Variants in NOP53 observed in about 807,000 individuals in gnomAD.
NOP53 encodes the protein NOP53 ribosome biogenesis factor.
In NOP53, 40 loss-of-function variants were observed where a neutral mutation model predicts 61.0. The observed-to-expected ratio is 0.66, with a 90% CI of 0.51 to 0.85. The LOEUF is 0.85. Among genes scored for constraint, NOP53 ranks in the 40% least tolerant of loss-of-function variants. The pLI is 0.00. For synonymous variants in NOP53, 308 were observed against 289.5 expected (o/e 1.06, Z -0.65); for missense variants, 689 against 652.9 (o/e 1.06, Z -0.60).
chr19:47,752,716 G>C (rs1967139995), intron 6 of NOP53, 109 bp downstream of exon 6: 1 of 719,298 alleles, frequency 1.4e-6, no homozygotes, highest in Non-Finnish European at 2.5e-6. Context: ...ACAGCCCTGG[G>C]CCTGTCCGCA....
intron 1 of NOP53, 63 bp from the exon 2 acceptor site, chr19:47,746,904 G>C (rs1967071397): frequency 1.5e-6 from 2 of 1,369,250 alleles, no homozygotes; most frequent in African/African-American, 2.9e-5. Context: ...GGCTGGACCT[G>C]CCAGGTTAAA....
chr19:47,746,127 T>C, intron 1 of NOP53: 1 of 291,430 alleles, frequency 3.4e-6, no homozygotes, highest in East Asian at 7.0e-5. Context: ...TATATGTGTG[T>C]GTATATATAT....
At chr19:47,753,745 C>G (rs1381681804) in intron 6 of NOP53, 2 of 152,216 alleles carry the variant, frequency 1.3e-5, no homozygotes, top group East Asian at 3.8e-4. Flanking sequence ...TTGTACAGAA[C>G]TACTTCGTAG....
At position 47,751,184 on chromosome 19, in the gene NOP53, G is replaced by A; in HGVS notation, c.598+77G>A. 3.8e-6 allele frequency: 5 copies of A among 1,314,208 alleles called. No individual in the cohort carries two copies. The South Asian group carries it at 6.4e-5, about 17-fold the overall frequency. 81.4% of individuals were successfully genotyped at this position (1,314,208 alleles called of 1,614,324 possible). A position where few individuals can be genotyped will look rare whatever the true frequency, so the allele number is the denominator to read the frequency against. ...TTTGTGTGTGTTGTGCACTGCACGA[G>A]AGTACAGTGTGAAAGGGAGTGCTTT... On this transcript the variant is annotated intron_variant, in intron 4 of 12. Coordinates refer to ENST00000246802, the MANE Select transcript of NOP53 (RefSeq NM_015710.5).
chr19:47,745,689 A>G lies in NOP53; in HGVS notation c.130A>G (p.Lys44Glu), dbSNP rs746948849. ...GCGGCGGCGGCGAGGCCCAAGAAAT[A>G]AGAAGCGGGGCTGGCGGCGGCTTGC... The part of the protein sequence containing the change: ...LRRRRRGPRN[K>E]KRGWRRLAQE... The change falls in exon 1 of 13, where the codon AAG becomes GAG. Residue 44 changes from lysine (K) to glutamate (E), a missense_variant. Physicochemically the swap from Lys to Glu is moderately conservative, Grantham distance 56. Coordinates refer to ENST00000246802, the MANE Select transcript of NOP53 (RefSeq NM_015710.5). The G allele has an allele frequency of 1.9e-6, 3 of 1,612,978 alleles. No individual in the cohort carries two copies. The highest frequency in any genetic ancestry group is 2.5e-6 in the Non-Finnish European group (3 of 1,179,500).
At chr19:47,751,261 C>T (rs947905665) in intron 4 of NOP53, 154 bp downstream of exon 4, 15 of 731,022 alleles carry the variant, frequency 2.1e-5, no homozygotes, top group Admixed American at 2.8e-5. Flanking sequence ...AAGGGGCGGC[C>T]GTTTCCCACT....
In NOP53 at chr19:47,752,618, C is replaced by T. The variant is rs537692222; in HGVS notation, c.765+11C>T. ...TTTGAAGACCACCAGGTACACTGCC[C>T]CGTCCAGGCCTCCCTCCTCAGTGGG... On this transcript the variant is annotated intron_variant, in intron 6 of 12. Transcript: ENST00000246802. 2 of 1,509,294 alleles carry T rather than the reference C, an allele frequency of 1.3e-6. No individual in the cohort carries two copies. The highest frequency in any genetic ancestry group is 2.2e-5 in the South Asian group (2 of 89,088). 93.5% of individuals were successfully genotyped at this position (1,509,294 alleles called of 1,614,324 possible).
At chr19:47,755,654 C>T in intron 9 of NOP53, 102 bp from the exon 10 acceptor site, 1 of 1,361,588 alleles carries the variant, frequency 7.3e-7, no homozygotes, top group East Asian at 2.5e-5. Context: ...CCCACAAAAC[C>T]CCACATTCTC....
At chr19:47,747,355 A>G (rs1215643421) in intron 2 of NOP53, among the ~76,000 whole-genome samples, 1 of 152,174 alleles carries the variant, frequency 6.6e-6, no homozygotes, top group Non-Finnish European at 1.5e-5. Context: ...TGCTTAACTC[A>G]GTCCTGCCGG....
intron 9 of NOP53, 42 bp downstream of exon 9, chr19:47,755,565 G>C (rs1046698834): frequency 6.9e-7 from 1 of 1,457,368 alleles, no homozygotes; most frequent in East Asian, 2.5e-5. Flanking sequence ...CTGGGGAGGG[G>C]GCCGGGTCCC....
chr19:47,755,864 G>T, intron 10 of NOP53, 42 bp downstream of exon 10: 1 of 1,522,294 alleles, frequency 6.6e-7, no homozygotes, highest in Non-Finnish European at 9.1e-7. Flanking sequence ...GCCCAGTGAT[G>T]ACACCATCCT....
At position 47,754,318 on chromosome 19, in the gene NOP53, A is replaced by G. The variant is rs1568599990; in HGVS notation, c.766-209A>G. ...AGCGTGCAGGTCAGACTGCCTTCAC[A>G]GACGTGCAGAGCAGGTGTGAGGGCG... On this transcript the variant is annotated intron_variant, in intron 6 of 12. Coordinates refer to ENST00000246802, the MANE Select transcript of NOP53 (RefSeq NM_015710.5). This position sits in a 1 kb window ranked among gnomAD's most constrained non-coding sequence, Gnocchi z 4.2. 2 of 567,572 alleles carry G rather than the reference A, an allele frequency of 3.5e-6. No individual in the cohort carries two copies. Among genetic ancestry groups the G allele is most frequent in the African/African-American group, 1.9e-5 (1 of 53,118 alleles). 35.2% of individuals were successfully genotyped at this position (567,572 alleles called of 1,614,324 possible). A position where few individuals can be genotyped will look rare whatever the true frequency, so the allele number is the denominator to read the frequency against.
At chr19:47,749,286 C>T (rs553909027) in intron 2 of NOP53, among the ~76,000 whole-genome samples, 12 of 152,202 alleles carry the variant, frequency 7.9e-5, no homozygotes, top group South Asian at 2.1e-4. Context: ...AAGTAGTTAC[C>T]GGCGTGCTTT....
rs534761906 is a variant in NOP53 at position 47,754,986 on chromosome 19, G to A, written c.1053+95G>A. 116 of 1,180,374 alleles carry A rather than the reference G, an allele frequency of 9.8e-5. 1 individual carries two copies. The South Asian group carries it at 1.8e-3, about 18-fold the overall frequency. 73.1% of individuals were successfully genotyped at this position (1,180,374 alleles called of 1,614,324 possible). A position where few individuals can be genotyped will look rare whatever the true frequency, so the allele number is the denominator to read the frequency against. The stretch of plus-strand genomic sequence containing the variant: ...CTGCCCTGGGTGCTGCGGGCAGCCT[G>A]CACACCCCAAGCCCCGCATGTGGCC... On this transcript the variant is annotated intron_variant, in intron 8 of 12. Coordinates refer to ENST00000246802, the MANE Select transcript of NOP53 (RefSeq NM_015710.5). The surrounding 1 kb of genome is among the most constrained non-coding windows in gnomAD (Gnocchi z 4.2).
intron 2 of NOP53, among the ~76,000 whole-genome samples, chr19:47,748,026 C>T (rs535197086): frequency 1.5e-4 from 23 of 151,912 alleles, no homozygotes; most frequent in African/African-American, 2.9e-4. Flanking sequence ...GTGATCCGCC[C>T]GCCTCGGCCT....
chr19:47,750,405 GGCTTCGGAGT>G lies in NOP53; in HGVS notation c.398+122_398+131del. The G allele has an allele frequency of 1.2e-5, 8 of 679,274 alleles. No homozygotes were observed. The Middle Eastern group carries it at 1.7e-3, about 145-fold the overall frequency. 42.1% of individuals were successfully genotyped at this position (679,274 alleles called of 1,614,324 possible). ...GAAGGGTAGGGCAGGCTCAGGTTTG[GGCTTCGGAGT>G]GCAGATTAGAGGGAGGGAGTCTGGG... On this transcript the variant is annotated intron_variant, in intron 3 of 12. Transcript: ENST00000246802.
At chr19:47,753,305 T>C (rs1967147111) in intron 6 of NOP53, 1 of 152,394 alleles carries the variant, frequency 6.6e-6, no homozygotes, top group Non-Finnish European at 1.5e-5. Flanking sequence ...TAGCAGGGCA[T>C]GGCAGCACGC....
chr19:47,756,703 C>T lies in NOP53; in HGVS notation c.1389C>T (p.Tyr463=). ...CCTGCTCCAGGTTCAAACGCAAGTA[C>T]AAGGTGAAGCTGGTGGAGAAGCGGG... The part of the protein sequence containing the change: ...PRERAKFKRK[Y]KVKLVEKRAF... Residue 463 remains tyrosine (Y), a synonymous_variant, in exon 12 of 13, where the codon TAC becomes TAT. Transcript: ENST00000246802. 1 of 1,613,862 alleles carries T rather than the reference C, an allele frequency of 6.2e-7. No homozygotes were observed. Among genetic ancestry groups the T allele is most frequent in the South Asian group, 1.1e-5 (1 of 91,082 alleles).
Position 47,748,410 on chromosome 19 carries a change from C to A in NOP53, c.289+1379C>A, listed in dbSNP as rs141004280. Among the ~76,000 whole-genome samples the A allele has an allele frequency of 3.4e-3, 512 of 152,210 alleles. 1 individual carries two copies. Among genetic ancestry groups the A allele is most frequent in the African/African-American group, 0.012 (490 of 41,546 alleles). ...AATATGTAGAAAAACAAACTAAGAACAGATGATCTGCTCTAATGAACAGCC... is the reference window on the plus strand; with the variant it reads ...AATATGTAGAAAAACAAACTAAGAAAAGATGATCTGCTCTAATGAACAGCC... On this transcript the variant is annotated intron_variant, in intron 2 of 12. Coordinates refer to ENST00000246802, the MANE Select transcript of NOP53 (RefSeq NM_015710.5).
Sources: allele counts gnomAD v4.1 joint callset (sites outside exome capture counted in the v4.1 genomes callset), GRCh38; gene constraint gnomAD v4.1.1; non-coding constraint Gnocchi (gnomAD v3.1); transcripts MANE v1.5; gene names NCBI Gene and HGNC (gene_info 2026-07-23, HGNC 2026-07-21).